PABPC4L: variants seen among roughly 807,000 people sequenced by gnomAD.
PABPC4L encodes the protein poly(A) binding protein cytoplasmic 4 like, also known as polyadenylate-binding protein 4-like.
For missense variants in PABPC4L, 452 were observed against 451.4 expected, an observed-to-expected ratio of 1.00 and a Z score of -0.01; for synonymous variants, 169 against 164.1, an observed-to-expected ratio of 1.03 and a Z score of -0.23.
the PABPC4L span, among the ~76,000 whole-genome samples, chr4:134,018,604 A>G: frequency 3.3e-5 from 5 of 152,176 alleles, no homozygotes; most frequent in Non-Finnish European, 5.9e-5. Context: ...TGTATATACT[A>G]TGTTTGGATA....
chr4:134,098,346 G>C, the PABPC4L span, among the ~76,000 whole-genome samples: 4 of 151,732 alleles, frequency 2.6e-5, no homozygotes, highest in Non-Finnish European at 5.9e-5. Flanking sequence ...ATGGGGGTAA[G>C]AGTTGTTTGC....
the PABPC4L span, among the ~76,000 whole-genome samples, chr4:134,168,267 A>C: frequency 0.67 from 100,954 of 151,534 alleles, 34,505 homozygotes; most frequent in East Asian, 1. Context: ...TATGGGATAC[A>C]GAAAAAGCAG....
chr4:134,145,104 A>G, the PABPC4L span, among the ~76,000 whole-genome samples: 1 of 151,826 alleles, frequency 6.6e-6, no homozygotes, highest in Admixed American at 6.6e-5. Context: ...ACTTAATTAT[A>G]GGTTGGTGCA....
At chr4:134,011,938 A>G in the PABPC4L span, among the ~76,000 whole-genome samples, 1 of 152,154 alleles carries the variant, frequency 6.6e-6, no homozygotes, top group Non-Finnish European at 1.5e-5. Context: ...GACTTTAAGT[A>G]GTCTCCCTTT....
the PABPC4L span, among the ~76,000 whole-genome samples, chr4:134,152,582 C>T: frequency 6.6e-6 from 1 of 152,152 alleles, no homozygotes; most frequent in South Asian, 2.1e-4. Flanking sequence ...CATCTGCACA[C>T]TCAATACCAT....
At chr4:134,032,157 G>A in the PABPC4L span, among the ~76,000 whole-genome samples, 83 of 151,782 alleles carry the variant, frequency 5.5e-4, no homozygotes, top group South Asian at 8.3e-4. Context: ...GCTTTGACAC[G>A]GAACAACCCT....
rs1729764059 is a variant in PABPC4L, at chr4:134,199,204, T to C, written c.*703A>G. The C allele has an allele frequency of 6.6e-6, 1 of 152,088 alleles. No homozygotes were observed. Among genetic ancestry groups the C allele is most frequent in the Non-Finnish European group, 1.5e-5 (1 of 67,954 alleles). 9.4% of individuals were successfully genotyped at this position (152,088 alleles called of 1,614,324 possible). ...AGAAGTTAAGGTTTTACAGTGCAAG[T>C]TACAATTTAGATTAACTAGTAAGTA... On this transcript the variant is annotated 3_prime_UTR_variant, in exon 2 of 2. Transcript: ENST00000421491.
chr4:133,984,981 G>C, the PABPC4L span, among the ~76,000 whole-genome samples: 1 of 151,920 alleles, frequency 6.6e-6, no homozygotes, highest in Non-Finnish European at 1.5e-5. Context: ...ACTAAAGGAA[G>C]AAAATAGAAT....
chr4:134,012,693 C>T, the PABPC4L span, among the ~76,000 whole-genome samples: 1 of 152,178 alleles, frequency 6.6e-6, no homozygotes, highest in Non-Finnish European at 1.5e-5. Context: ...CTCTTTGCTC[C>T]ATGAGAAAGA....
chr4:134,079,600 A>AAAAAC, the PABPC4L span, among the ~76,000 whole-genome samples: 1 of 98,586 alleles, frequency 1.0e-5, no homozygotes, highest in Non-Finnish European at 2.0e-5. Context: ...AAAAAAAAAA[A>AAAAAC]AAAAAAAAAA....
chr4:134,134,396 T>C, the PABPC4L span, among the ~76,000 whole-genome samples: 1 of 151,970 alleles, frequency 6.6e-6, no homozygotes, highest in African/African-American at 2.4e-5. Flanking sequence ...ATTTCAGTAA[T>C]AAAATGGCTG....
chr4:134,058,012 G>T, the PABPC4L span, among the ~76,000 whole-genome samples: 1 of 151,904 alleles, frequency 6.6e-6, no homozygotes, highest in African/African-American at 2.4e-5. Flanking sequence ...GACAAAAACA[G>T]CATTTTTAAA....
the PABPC4L span, among the ~76,000 whole-genome samples, chr4:134,166,813 T>C: frequency 6.6e-5 from 10 of 152,318 alleles, no homozygotes; most frequent in East Asian, 1.9e-3. Flanking sequence ...TTTAGTGTTC[T>C]ATATGCCTCA....
chr4:133,977,109 T>C, the PABPC4L span, among the ~76,000 whole-genome samples: 1 of 152,118 alleles, frequency 6.6e-6, no homozygotes, highest in South Asian at 2.1e-4. Flanking sequence ...AAGAAAGTGG[T>C]CCAGGTTTAA....
the PABPC4L span, among the ~76,000 whole-genome samples, chr4:134,185,825 A>C: frequency 6.6e-6 from 1 of 152,200 alleles, no homozygotes; most frequent in East Asian, 1.9e-4. Context: ...GCTGATAAGC[A>C]ACTTCAGCAA....
the PABPC4L span, among the ~76,000 whole-genome samples, chr4:133,998,704 T>C: frequency 6.6e-6 from 1 of 151,976 alleles, no homozygotes; most frequent in African/African-American, 2.4e-5. Flanking sequence ...CTTAGGTCTA[T>C]AGTTCAATTG....
chr4:134,086,835 G>GTACA, the PABPC4L span, among the ~76,000 whole-genome samples: 1 of 150,628 alleles, frequency 6.6e-6, no homozygotes, highest in Non-Finnish European at 1.5e-5. Context: ...AAGATTTAGG[G>GTACA]TACATGTGCA....
At chr4:134,100,590 T>C in the PABPC4L span, among the ~76,000 whole-genome samples, 8 of 151,570 alleles carry the variant, frequency 5.3e-5, no homozygotes, top group East Asian at 1.9e-4. Flanking sequence ...TTTGTAAAAG[T>C]CTAAGGAAAA....
the PABPC4L span, among the ~76,000 whole-genome samples, chr4:134,000,553 G>A: frequency 4.1e-4 from 63 of 152,080 alleles, no homozygotes; most frequent in Middle Eastern, 3.4e-3. Flanking sequence ...TTACTTTTAC[G>A]TGTCAAATTA....
Sources: gnomAD v4.1 joint callset for allele counts (sites outside exome capture counted in the v4.1 genomes callset) on GRCh38, gnomAD v4.1.1 for gene constraint, MANE v1.5 for transcripts, NCBI Gene and HGNC (gene_info 2026-07-23, HGNC 2026-07-21) for gene names.